Variants in RIT2 observed in about 807,000 individuals in gnomAD.
RIT2 encodes Ras like without CAAX 2.
Under a neutral mutation model 23.7 loss-of-function variants are expected in RIT2, and 24 were observed. The observed-to-expected ratio is 1.01, with a 90% CI of 0.73 to 1.43. The LOEUF (loss-of-function observed/expected upper bound fraction) is 1.43. Ranked by LOEUF, RIT2 falls within the 40% of genes most tolerant of loss-of-function variation. The pLI is 0.00. For synonymous variants in RIT2, 107 were observed against 91.1 expected (o/e 1.17, Z -0.99); for missense variants, 236 against 266.9 (o/e 0.88, Z 0.81).
intron 1 of RIT2, among the ~76,000 whole-genome samples, chr18:43,114,828 G>A (rs1914031996): frequency 6.6e-6 from 1 of 151,928 alleles, no homozygotes; most frequent in Non-Finnish European, 1.5e-5. Flanking sequence ...ACAAAGTTTA[G>A]TTTGATCACC....
At chr18:42,965,710 G>GTTTT (rs1910202069) in intron 3 of RIT2, among the ~76,000 whole-genome samples, 2 of 52,114 alleles carry the variant, frequency 3.8e-5, no homozygotes, top group Non-Finnish European at 7.1e-5. Flanking sequence ...TGTACTGATG[G>GTTTT]CTTTTTTTTT....
intron 4 of RIT2, among the ~76,000 whole-genome samples, chr18:42,745,839 T>C (rs1214972170): frequency 6.6e-6 from 1 of 152,164 alleles, no homozygotes; most frequent in Non-Finnish European, 1.5e-5. Context: ...ACCCAGAAGC[T>C]AATGACTCAT....
chr18:43,064,098 G>T (rs1912716129), intron 1 of RIT2, among the ~76,000 whole-genome samples: 1 of 152,142 alleles, frequency 6.6e-6, no homozygotes, highest in South Asian at 2.1e-4. Flanking sequence ...ATTCAATAAG[G>T]TCTGATAAAG....
At chr18:42,968,065 T>G (rs1194143290) in intron 3 of RIT2, among the ~76,000 whole-genome samples, 1 of 152,134 alleles carries the variant, frequency 6.6e-6, no homozygotes, top group Admixed American at 6.5e-5. Flanking sequence ...TTATAAACAA[T>G]GTAAGAATTT....
chr18:42,887,133 A>C (rs1248910651), intron 4 of RIT2, among the ~76,000 whole-genome samples: 1 of 152,204 alleles, frequency 6.6e-6, no homozygotes, highest in African/African-American at 2.4e-5. Context: ...TAATGCTGTT[A>C]AGATAAATCT....
At chr18:43,039,215 T>C (rs1246574535) in intron 1 of RIT2, among the ~76,000 whole-genome samples, 1 of 152,200 alleles carries the variant, frequency 6.6e-6, no homozygotes, top group Non-Finnish European at 1.5e-5. Flanking sequence ...AAGATGATTT[T>C]ACCAATATTT....
At chr18:42,984,480 A>G (rs1331811187) in intron 2 of RIT2, among the ~76,000 whole-genome samples, 3 of 152,082 alleles carry the variant, frequency 2.0e-5, no homozygotes, top group Non-Finnish European at 2.9e-5. Context: ...TGTTTTGACT[A>G]TCAATATCAA....
intron 4 of RIT2, among the ~76,000 whole-genome samples, chr18:42,866,940 G>T (rs1024702227): frequency 6.6e-6 from 1 of 152,082 alleles, no homozygotes; most frequent in Admixed American, 6.5e-5. Context: ...TCACCAAAGG[G>T]CACTTACTAA....
intron 1 of RIT2, among the ~76,000 whole-genome samples, chr18:43,108,928 C>T (rs1441270148): frequency 2.0e-5 from 3 of 152,126 alleles, no homozygotes; most frequent in Non-Finnish European, 2.9e-5. Flanking sequence ...GTTAGGATAA[C>T]GCATGGCCAC....
At position 42,929,059 on chromosome 18, in the gene RIT2, T is replaced by TATATATATATATATATA. The variant is rs1307173363; in HGVS notation, c.235-5297_235-5296insTATATATATATATATAT. Among the ~76,000 whole-genome samples, 184 of 50,122 alleles carry TATATATATATATATATA rather than the reference T, an allele frequency of 3.7e-3. 2 individuals are homozygous for TATATATATATATATATA. The highest frequency in any genetic ancestry group is 9.6e-3 in the African/African-American group (157 of 16,370). 32.9% of individuals were successfully genotyped at this position (50,122 alleles called of 152,430 possible). A position where few individuals can be genotyped will look rare whatever the true frequency, so the allele number is the denominator to read the frequency against. ...GATATATATATATATATATATATAT[T>TATATATATATATATATA]TATATGAGACAAATAAAAATTAGAG... On this transcript the variant is annotated intron_variant, in intron 3 of 4. Coordinates refer to ENST00000326695, the MANE Select transcript of RIT2 (RefSeq NM_002930.4).
At chr18:42,864,224 C>A (rs1907409397) in intron 4 of RIT2, among the ~76,000 whole-genome samples, 1 of 152,114 alleles carries the variant, frequency 6.6e-6, no homozygotes, top group South Asian at 2.1e-4. Context: ...GGAAGTTGAA[C>A]CAGGTATCAA....
At chr18:42,769,719 T>C (rs965976220) in intron 4 of RIT2, among the ~76,000 whole-genome samples, 5 of 151,844 alleles carry the variant, frequency 3.3e-5, no homozygotes, top group Admixed American at 2.6e-4. Context: ...TATGATTATA[T>C]TTATAAGAAA....
intron 1 of RIT2, among the ~76,000 whole-genome samples, chr18:43,062,202 G>A (rs950660910): frequency 3.3e-5 from 5 of 151,986 alleles, no homozygotes; most frequent in African/African-American, 7.2e-5. Flanking sequence ...AGATACTCAG[G>A]ACATGGATGG....
At chr18:42,869,224 G>A (rs1907552863) in intron 4 of RIT2, among the ~76,000 whole-genome samples, 1 of 152,190 alleles carries the variant, frequency 6.6e-6, no homozygotes, top group Non-Finnish European at 1.5e-5. Context: ...TCAGGCGTTA[G>A]ATTCTCAAAA....
At chr18:42,987,327 G>T (rs777816403) in intron 2 of RIT2, among the ~76,000 whole-genome samples, 1 of 152,160 alleles carries the variant, frequency 6.6e-6, no homozygotes, top group African/African-American at 2.4e-5. Context: ...AGCATGTGCA[G>T]TATGGCTCAG....
intron 4 of RIT2, among the ~76,000 whole-genome samples, chr18:42,780,880 C>T (rs1407350795): frequency 6.7e-6 from 1 of 149,064 alleles, no homozygotes; most frequent in Non-Finnish European, 1.5e-5. Context: ...TTGCGGGGGG[C>T]TTAGAATTTT....
chr18:43,097,012 T>G (rs548013476), intron 1 of RIT2, among the ~76,000 whole-genome samples: 1 of 151,950 alleles, frequency 6.6e-6, no homozygotes, highest in South Asian at 2.1e-4. Context: ...AGCTGTAGTT[T>G]AGAATTAGAA....
chr18:43,029,650 A>G (rs1911810155), intron 2 of RIT2, among the ~76,000 whole-genome samples: 1 of 152,070 alleles, frequency 6.6e-6, no homozygotes, highest in South Asian at 2.1e-4. Context: ...AAGAAACTCA[A>G]TGAAAAAGGA....
intron 4 of RIT2, among the ~76,000 whole-genome samples, chr18:42,864,115 A>T (rs968476857): frequency 2.0e-5 from 3 of 151,882 alleles, no homozygotes; most frequent in Non-Finnish European, 2.9e-5. Context: ...TTCCTGACCC[A>T]GAACACAGGA....
Sources: allele counts gnomAD v4.1 joint callset (sites outside exome capture counted in the v4.1 genomes callset), GRCh38; gene constraint gnomAD v4.1.1; transcripts MANE v1.5; gene names NCBI Gene and HGNC (gene_info 2026-07-23, HGNC 2026-07-21).